AKAP8L: variants seen among roughly 807,000 people sequenced by gnomAD.
AKAP8L encodes the protein A-kinase anchor protein 8-like.
AKAP8L carries 34 observed loss-of-function variants against 77.5 expected under a neutral mutation model. The ratio of observed to expected loss-of-function variants is 0.44; its 90% CI spans 0.33 to 0.58. The LOEUF is 0.58. Among genes scored for constraint, AKAP8L ranks in the 20% least tolerant of loss-of-function variants. AKAP8L has a pLI of 0.02. For missense variants in AKAP8L, 806 were observed against 887.6 expected (o/e 0.91, Z 1.17); for synonymous variants, 342 against 340.7 (o/e 1.00, Z -0.04).
rs1249002430 is a variant in AKAP8L at position 15,395,738 on chromosome 19, A to C, written c.1536+1412T>G. 2.7e-5 allele frequency among the ~76,000 whole-genome samples: 4 copies of C among 148,892 alleles called. No homozygotes were observed. In the South Asian group the frequency reaches 8.5e-4, roughly 32 times the overall value. On this transcript the variant is annotated intron_variant, in intron 12 of 13. Transcript: ENST00000397410. ...GGTGGCTCACGCCTGTAATCCCAGC[A>C]CTTTGGGAGGCCGAGGCGGGCGGAT...
At chr19:15,415,188 C>G (rs1372096226) in intron 1 of AKAP8L, among the ~76,000 whole-genome samples, 1 of 152,126 alleles carries the variant, frequency 6.6e-6, no homozygotes, top group Non-Finnish European at 1.5e-5. Context: ...AATACCAGTA[C>G]TTTGGGAGGC....
At chr19:15,396,657 G>A (rs1599602915) in intron 12 of AKAP8L, among the ~76,000 whole-genome samples, 1 of 152,014 alleles carries the variant, frequency 6.6e-6, no homozygotes, top group African/African-American at 2.4e-5. Flanking sequence ...CCAAGGTGGG[G>A]TCTCCTCTTG....
intron 12 of AKAP8L, among the ~76,000 whole-genome samples, chr19:15,382,845 T>C (rs1016188375): frequency 6.6e-6 from 1 of 152,204 alleles, no homozygotes; most frequent in Non-Finnish European, 1.5e-5. Flanking sequence ...ACTCAATTCT[T>C]TTTTCTTAAA....
Position 15,399,373 on chromosome 19 carries a change from CT to C in AKAP8L, c.1085del (p.Lys362SerfsTer59). 1.2e-6 allele frequency: 2 copies of C among 1,613,918 alleles called. No individual in the cohort carries two copies. The highest frequency in any genetic ancestry group is 1.7e-6 in the Non-Finnish European group (2 of 1,179,862). On this transcript the variant is annotated frameshift_variant, in exon 9 of 14. Coordinates refer to ENST00000397410, the MANE Select transcript of AKAP8L (RefSeq NM_014371.4). LOFTEE classifies it high-confidence loss of function. This position sits in a 1 kb window ranked among gnomAD's most constrained non-coding sequence, Gnocchi z 6.1. ...TCTTCTTGCCTGCCTGCAACTTGCG[CT>C]TGGTCTGGCCATTTTCATCCTGGGT... ...LTTQDENGQT[K>X]RKLQAGKKSQ...
chr19:15,381,056 A>G (rs1967403092), intron 12 of AKAP8L: 1 of 161,990 alleles, frequency 6.2e-6, no homozygotes, highest in Admixed American at 6.1e-5. Flanking sequence ...AACCCACAGA[A>G]TTCCAAGAAT....
At chr19:15,410,672 T>C (rs971110002) in intron 1 of AKAP8L, 78 bp from the exon 2 acceptor site, 2 of 1,187,820 alleles carry the variant, frequency 1.7e-6, no homozygotes, top group South Asian at 1.3e-5. Context: ...ACCTTTGGTA[T>C]AGGATTGCCA....
intron 2 of AKAP8L, 121 bp from the exon 3 acceptor site, chr19:15,404,163 A>G (rs1221677696): frequency 1.0e-6 from 1 of 982,668 alleles, no homozygotes; most frequent in Non-Finnish European, 1.5e-6. Context: ...CCCCTAACCG[A>G]GAAGCCTTGA....
intron 12 of AKAP8L, among the ~76,000 whole-genome samples, chr19:15,385,091 C>A (rs1001011102): frequency 6.6e-6 from 1 of 152,156 alleles, no homozygotes; most frequent in Non-Finnish European, 1.5e-5. Flanking sequence ...CATTCTCCTG[C>A]CTCAGCCTCC....
Position 15,380,252 on chromosome 19 carries a change from G to T in AKAP8L, c.1811C>A (p.Pro604Gln). 1 of 1,497,288 alleles carries T rather than the reference G, an allele frequency of 6.7e-7. No individual in the cohort carries two copies. Among genetic ancestry groups the T allele is most frequent in the Middle Eastern group, 2.1e-4 (1 of 4,672 alleles). 92.8% of individuals were successfully genotyped at this position (1,497,288 alleles called of 1,614,324 possible). A position where few individuals can be genotyped will look rare whatever the true frequency, so the allele number is the denominator to read the frequency against. Residue 604 changes from proline to glutamine, a missense_variant, in exon 14 of 14, where the codon CCG becomes CAG. Transcript: ENST00000397410. ...EPAPGAVSPP[P>Q]PPPPEEEEEG... ...CTCCTCCTCCTCTGGGGGCGGCGGC[G>T]GTGGCGGCGACACGGCCCCGGGGGC...
intron 8 of AKAP8L, 117 bp downstream of exon 8, chr19:15,400,178 A>G (rs1484170416): frequency 9.4e-7 from 1 of 1,069,288 alleles, no homozygotes; most frequent in Non-Finnish European, 1.4e-6. Flanking sequence ...ACTCGGGCCC[A>G]CAAGGGAGGT....
chr19:15,397,098 G>A lies in AKAP8L; in HGVS notation c.1536+52C>T. The A allele has an allele frequency of 6.2e-7, 1 of 1,604,770 alleles. No homozygotes were observed. The highest frequency in any genetic ancestry group is 8.5e-7 in the Non-Finnish European group (1 of 1,173,944). On this transcript the variant is annotated intron_variant, in intron 12 of 13. Coordinates refer to ENST00000397410, the MANE Select transcript of AKAP8L (RefSeq NM_014371.4). This position sits in a 1 kb window ranked among gnomAD's most constrained non-coding sequence, Gnocchi z 4.7. Reference sequence around the variant, plus strand: ...GTTCCAACTGCACAACCTCCCCAGAGGCCTCACTCAATCTACCCACAGGAC... The same window carrying A: ...GTTCCAACTGCACAACCTCCCCAGAAGCCTCACTCAATCTACCCACAGGAC...
At chr19:15,418,439 A>G (rs1239717511) in intron 1 of AKAP8L, among the ~76,000 whole-genome samples, 1 of 150,162 alleles carries the variant, frequency 6.7e-6, no homozygotes, top group Non-Finnish European at 1.5e-5. Flanking sequence ...AAATAGACAA[A>G]AGGGGGTGGT....
In AKAP8L at chr19:15,403,033, G is replaced by A. The variant is rs765977199; in HGVS notation, c.362+442C>T. ...ACCAGGAAATGCCCACACCTGCCCC[G>A]ACCCTTACGTGGGGGTGGCCCAGCT... On this transcript the variant is annotated intron_variant, in intron 4 of 13. Transcript: ENST00000397410. This position sits in a 1 kb window ranked among gnomAD's most constrained non-coding sequence, Gnocchi z 4.3. Among the ~76,000 whole-genome samples the A allele has an allele frequency of 2.0e-5, 3 of 152,122 alleles. No individual in the cohort carries two copies. Among genetic ancestry groups the A allele is most frequent in the Non-Finnish European group, 2.9e-5 (2 of 68,018 alleles).
rs1786321243 is a variant in AKAP8L, at chr19:15,403,404, G to A, written c.362+71C>T. 6.1e-6 allele frequency: 9 copies of A among 1,466,886 alleles called. No homozygotes were observed. The Admixed American group carries it at 1.0e-4, about 17-fold the overall frequency. The allele number at this position is 1,466,886 out of a possible 1,614,324, so 90.9% of individuals were successfully genotyped here. On this transcript the variant is annotated intron_variant, in intron 4 of 13. Transcript: ENST00000397410. The surrounding 1 kb of genome is among the most constrained non-coding windows in gnomAD (Gnocchi z 4.3). ...GCAGACACAGAGGGGCACTCAGAGA[G>A]GAAAACGCAGTGGGCAGCAGGCAGG...
Position 15,397,105 on chromosome 19 carries a change from C to T in AKAP8L, c.1536+45G>A. The T allele has an allele frequency of 6.2e-7, 1 of 1,606,302 alleles. No homozygotes were observed. Among genetic ancestry groups the T allele is most frequent in the South Asian group, 1.1e-5 (1 of 90,840 alleles). Reference sequence around the variant, plus strand: ...CTGCACAACCTCCCCAGAGGCCTCACTCAATCTACCCACAGGACAGAGGGA... The same window carrying T: ...CTGCACAACCTCCCCAGAGGCCTCATTCAATCTACCCACAGGACAGAGGGA... On this transcript the variant is annotated intron_variant, in intron 12 of 13. Transcript: ENST00000397410. The surrounding 1 kb of genome is among the most constrained non-coding windows in gnomAD (Gnocchi z 4.7).
Position 15,400,775 on chromosome 19 carries a change from C to T in AKAP8L, c.984+19G>A. 3 of 1,613,678 alleles carry T rather than the reference C, an allele frequency of 1.9e-6. No individual in the cohort carries two copies. The highest frequency in any genetic ancestry group is 2.2e-5 in the South Asian group (2 of 91,068). ...TCGCCCTGCCTGCAGACAGAAAATG[C>T]CCAGCCAGAGCCACTTACCACTCTG... On this transcript the variant is annotated intron_variant, in intron 7 of 13. Coordinates refer to ENST00000397410, the MANE Select transcript of AKAP8L (RefSeq NM_014371.4).
intron 2 of AKAP8L, among the ~76,000 whole-genome samples, chr19:15,407,812 A>G (rs1043796049): frequency 6.6e-6 from 1 of 152,238 alleles, no homozygotes; most frequent in Non-Finnish European, 1.5e-5. Flanking sequence ...ACTAATCTAT[A>G]GATTCTACAG....
At chr19:15,417,612 G>T (rs897714824) in intron 1 of AKAP8L, 1 of 152,210 alleles carries the variant, frequency 6.6e-6, no homozygotes, top group Non-Finnish European at 1.5e-5. Context: ...TAGAAAAACT[G>T]GGGTTCTTGG....
chr19:15,415,606 G>C (rs1302139846), intron 1 of AKAP8L, among the ~76,000 whole-genome samples: 1 of 152,082 alleles, frequency 6.6e-6, no homozygotes, highest in Non-Finnish European at 1.5e-5. Context: ...CTCCCAGTCA[G>C]CCGGGCGCAG....
Sources: allele counts gnomAD v4.1 joint callset (sites outside exome capture counted in the v4.1 genomes callset), GRCh38; gene constraint gnomAD v4.1.1; non-coding constraint Gnocchi (gnomAD v3.1); transcripts MANE v1.5; gene names NCBI Gene and HGNC (gene_info 2026-07-23, HGNC 2026-07-21).